The following VPS13D variants were observed in gnomAD, a reference collection of about 807,000 sequenced individuals.
The protein encoded by VPS13D is intermembrane lipid transfer protein VPS13D.
In VPS13D, 187 loss-of-function variants were observed where a neutral mutation model predicts 461.9. The observed-to-expected ratio is 0.40, with a 90% CI of 0.36 to 0.46. VPS13D has a LOEUF of 0.46. Ranked by LOEUF, VPS13D falls within the 20% of genes least tolerant of loss-of-function variation. VPS13D has a pLI of 0.60. For missense variants in VPS13D, 4,711 were observed against 5,364.9 expected (o/e 0.88, Z 3.81); for synonymous variants, 1,951 against 1,986.3 (o/e 0.98, Z 0.47).
chr1:12,283,826 AAATATCTCTTGTT>A, intron 21 of VPS13D, 90 bp downstream of exon 21: 1 of 1,317,994 alleles, frequency 7.6e-7, no homozygotes, highest in Non-Finnish European at 1.0e-6. Context: ...TTACTTTGGA[AAATATCTCTTGTT>A]GGCAGGGGAG....
At position 12,279,918 on chromosome 1, in the gene VPS13D, T is replaced by C. The variant is rs907238887; in HGVS notation, c.4602+268T>C. 3.3e-5 allele frequency among the ~76,000 whole-genome samples: 5 copies of C among 152,078 alleles called. No homozygotes were observed. The highest frequency in any genetic ancestry group is 3.3e-4 in the Admixed American group (5 of 15,270). ...TCTTAATTCCATTGACATTCAGAAA[T>C]GGGGAAATGATTGCTTACAAAGTCA... is the stretch of plus-strand genomic sequence containing the variant. On this transcript the variant is annotated intron_variant, in intron 20 of 69. Coordinates refer to ENST00000620676, the MANE Select transcript of VPS13D (RefSeq NM_015378.4). This position sits in a 1 kb window ranked among gnomAD's most constrained non-coding sequence, Gnocchi z 4.3.
intron 67 of VPS13D, among the ~76,000 whole-genome samples, chr1:12,480,325 TG>T (rs1645697891): frequency 6.6e-6 from 1 of 152,228 alleles, no homozygotes. Flanking sequence ...CAGGTGCATG[TG>T]CTCAGTATGT....
intron 2 of VPS13D, among the ~76,000 whole-genome samples, chr1:12,237,958 C>G (rs1246162944): frequency 6.6e-6 from 1 of 152,064 alleles, no homozygotes; most frequent in East Asian, 1.9e-4. Flanking sequence ...GAGTTCGAGA[C>G]CAGCCTGGGC....
At chr1:12,394,159 C>T (rs1644465243) in intron 60 of VPS13D, among the ~76,000 whole-genome samples, 1 of 152,162 alleles carries the variant, frequency 6.6e-6, no homozygotes, top group Non-Finnish European at 1.5e-5. Context: ...GATCCGGCCT[C>T]CCCTTCATTC....
At chr1:12,432,078 G>A (rs1295234650) in intron 65 of VPS13D, among the ~76,000 whole-genome samples, 4 of 152,134 alleles carry the variant, frequency 2.6e-5, no homozygotes, top group African/African-American at 9.7e-5. Flanking sequence ...TTGTCATCGG[G>A]TTCTTTCTAA....
At chr1:12,470,150 C>T (rs1170073814) in intron 67 of VPS13D, among the ~76,000 whole-genome samples, 1 of 152,230 alleles carries the variant, frequency 6.6e-6, no homozygotes, top group Admixed American at 6.5e-5. Context: ...GTGACCCAAA[C>T]TGTATCATAA....
At chr1:12,371,986 T>C (rs1644125257) in intron 54 of VPS13D, among the ~76,000 whole-genome samples, 3 of 152,208 alleles carry the variant, frequency 2.0e-5, no homozygotes, top group African/African-American at 7.2e-5. Context: ...TGTACATTCC[T>C]ACCAACAGTG....
chr1:12,343,109 C>A, intron 42 of VPS13D, 58 bp downstream of exon 42: 1 of 1,456,026 alleles, frequency 6.9e-7, no homozygotes, highest in Middle Eastern at 2.4e-4. Context: ...AGTGAGGGTC[C>A]CTAGTGTTTT....
chr1:12,367,901 C>T (rs1342686807), intron 52 of VPS13D, among the ~76,000 whole-genome samples: 1 of 152,156 alleles, frequency 6.6e-6, no homozygotes, highest in Non-Finnish European at 1.5e-5. Context: ...GCCACCACAC[C>T]CGGCTGCAAT....
At chr1:12,427,579 A>G (rs1054858392) in intron 65 of VPS13D, among the ~76,000 whole-genome samples, 4 of 152,226 alleles carry the variant, frequency 2.6e-5, no homozygotes, top group African/African-American at 7.2e-5. Flanking sequence ...AGCTATTTAC[A>G]TAGCATTTAC....
chr1:12,339,519 C>T (rs1052360189), intron 40 of VPS13D, among the ~76,000 whole-genome samples: 1 of 152,174 alleles, frequency 6.6e-6, no homozygotes, highest in Non-Finnish European at 1.5e-5. Flanking sequence ...GCTTTAGACT[C>T]TCTCTCAGCC....
At chr1:12,501,045 C>A (rs1433824499) in intron 68 of VPS13D, among the ~76,000 whole-genome samples, 2 of 151,848 alleles carry the variant, frequency 1.3e-5, no homozygotes, top group South Asian at 2.1e-4. Flanking sequence ...CAGAGTGAGA[C>A]CCTGTCTCAA....
intron 22 of VPS13D, among the ~76,000 whole-genome samples, chr1:12,288,870 C>G (rs1416783308): frequency 1.4e-4 from 22 of 152,124 alleles, no homozygotes; most frequent in Non-Finnish European, 3.2e-4. Flanking sequence ...GAGACAGGAT[C>G]TCGCTTGGTT....
At chr1:12,493,699 G>C (rs1237045056) in intron 67 of VPS13D, among the ~76,000 whole-genome samples, 1 of 152,200 alleles carries the variant, frequency 6.6e-6, no homozygotes, top group Non-Finnish European at 1.5e-5. Flanking sequence ...ACAGTGGCCT[G>C]GGCTGAAGAA....
At chr1:12,478,796 T>C in intron 67 of VPS13D, 1 of 455,958 alleles carries the variant, frequency 2.2e-6, no homozygotes, top group Non-Finnish European at 4.4e-6. Context: ...CTGTTTGTGG[T>C]ATAATGTTGC....
rs142501528 is a variant in VPS13D at position 12,505,672 on chromosome 1, T to C, written c.12795-1181T>C. ...ACATGTGGAAAGAATGAGTTTGTGC[T>C]TGGCCATGCTTTGGGGGCCATCACA... On this transcript the variant is annotated intron_variant, in intron 68 of 69. Coordinates refer to ENST00000620676, the MANE Select transcript of VPS13D (RefSeq NM_015378.4). This position sits in a 1 kb window ranked among gnomAD's most constrained non-coding sequence, Gnocchi z 4.2. Among the ~76,000 whole-genome samples, 948 of 152,368 alleles carry C rather than the reference T, an allele frequency of 6.2e-3. 5 individuals carry two copies. Among genetic ancestry groups the C allele is most frequent in the Non-Finnish European group, 6.7e-3 (453 of 68,032 alleles).
At chr1:12,235,753 G>A (rs1179228195) in intron 2 of VPS13D, among the ~76,000 whole-genome samples, 1 of 152,166 alleles carries the variant, frequency 6.6e-6, no homozygotes, top group Non-Finnish European at 1.5e-5. Context: ...GAAAGTGCGA[G>A]TGAGCAGTCT....
chr1:12,379,364 A>G, intron 56 of VPS13D, 124 bp from the exon 57 acceptor site: 1 of 778,052 alleles, frequency 1.3e-6, no homozygotes, highest in Non-Finnish European at 2.0e-6. Context: ...CTAACTACCC[A>G]TTCAGTTTTA....
chr1:12,373,030 A>G (rs1392256256), intron 54 of VPS13D, among the ~76,000 whole-genome samples: 2 of 144,116 alleles, frequency 1.4e-5, no homozygotes, highest in African/African-American at 2.6e-5. Flanking sequence ...TTGGGGATGC[A>G]GTGATGCTGA....
Sources: gnomAD v4.1 joint callset for allele counts (sites outside exome capture counted in the v4.1 genomes callset) on GRCh38, gnomAD v4.1.1 for gene constraint, Gnocchi (gnomAD v3.1) non-coding constraint, MANE v1.5 for transcripts, NCBI Gene and HGNC (gene_info 2026-07-23, HGNC 2026-07-21) for gene names.